Variants in ATXN10 observed in about 807,000 individuals in gnomAD.
ATXN10 encodes the protein ataxin-10.
Under a neutral mutation model 52.9 loss-of-function variants are expected in ATXN10, and 28 were observed. The ratio of observed to expected loss-of-function variants is 0.53; its 90% confidence interval spans 0.39 to 0.73. ATXN10 has a LOEUF of 0.73. ATXN10 is among the 30% of genes least tolerant of loss of function. ATXN10 has a pLI of 0.00. For synonymous variants in ATXN10, 226 were observed against 221.5 expected (o/e 1.02, Z -0.18); for missense variants, 565 against 577.0 (o/e 0.98, Z 0.21).
In ATXN10 at chr22:45,744,421, T is replaced by A. The variant is rs2146807548; in HGVS notation, c.1173+3883T>A. 1 of 152,266 alleles carries A rather than the reference T, an allele frequency of 6.6e-6. No homozygotes were observed. The highest frequency in any genetic ancestry group is 1.9e-4 in the East Asian group (1 of 5,202). 9.4% of individuals were successfully genotyped at this position (152,266 alleles called of 1,614,324 possible). ...TCCATTTTCCAGAGCTCTTTTCATC[T>A]GCTTTAGTTTGTTGGAGCCTTATGA... On this transcript the variant is annotated intron_variant, in intron 9 of 11. Coordinates refer to ENST00000252934, the MANE Select transcript of ATXN10 (RefSeq NM_013236.4). The surrounding 1 kb of genome is among the most constrained non-coding windows in gnomAD (Gnocchi z 4.9).
intron 1 of ATXN10, 175 bp downstream of exon 1, chr22:45,672,354 G>A (rs1381434035): frequency 7.7e-6 from 5 of 652,428 alleles, no homozygotes; most frequent in Non-Finnish European, 1.0e-5. Flanking sequence ...ACCGCCTCGT[G>A]CTCGTGGGTC....
rs1167791967 is a variant in ATXN10 at position 45,744,385 on chromosome 22, G to C, written c.1173+3847G>C. The C allele has an allele frequency of 6.6e-6, 1 of 152,254 alleles. No individual in the cohort carries two copies. Among genetic ancestry groups the C allele is most frequent in the Admixed American group, 6.5e-5 (1 of 15,286 alleles). The allele number at this position is 152,254 out of a possible 1,614,324, so 9.4% of individuals were successfully genotyped here. On this transcript the variant is annotated intron_variant, in intron 9 of 11. Coordinates refer to ENST00000252934, the MANE Select transcript of ATXN10 (RefSeq NM_013236.4). The surrounding 1 kb of genome is among the most constrained non-coding windows in gnomAD (Gnocchi z 4.9). ...CCTGCTGGATGGCCCTCTTACACTTGTGTGGCACTTTCCATTTTCCAGAGC... is the reference window on the plus strand; with the variant it reads ...CCTGCTGGATGGCCCTCTTACACTTCTGTGGCACTTTCCATTTTCCAGAGC...
chr22:45,824,937 G>A lies in ATXN10; in HGVS notation c.1237+17915G>A, dbSNP rs1479184059. 1.3e-5 allele frequency among the ~76,000 whole-genome samples: 2 copies of A among 152,176 alleles called. No homozygotes were observed. Among genetic ancestry groups the A allele is most frequent in the Non-Finnish European group, 2.9e-5 (2 of 68,028 alleles). On this transcript the variant is annotated intron_variant, in intron 10 of 11. Coordinates refer to ENST00000252934, the MANE Select transcript of ATXN10 (RefSeq NM_013236.4). The surrounding 1 kb of genome is among the most constrained non-coding windows in gnomAD (Gnocchi z 5.2). ...GAATCTGATGTAACTGTTTTGGTAC[G>A]CTGAAGTCCACTGAAGTCTTGCAAT...
chr22:45,775,895 T>G lies in ATXN10; in HGVS notation c.1174-31064T>G, dbSNP rs1055069905. 6.6e-6 allele frequency among the ~76,000 whole-genome samples: 1 copy of G among 152,138 alleles called. No individual in the cohort carries two copies. Among genetic ancestry groups the G allele is most frequent in the Admixed American group, 6.5e-5 (1 of 15,276 alleles). Reference sequence around the variant, plus strand: ...ACATTAACATCCGTTTGCTGGTGTTTGAAACCTGGAGCTCCCGGAGATTAA... The same window carrying G: ...ACATTAACATCCGTTTGCTGGTGTTGGAAACCTGGAGCTCCCGGAGATTAA... On this transcript the variant is annotated intron_variant, in intron 9 of 11. Transcript: ENST00000252934. This position sits in a 1 kb window ranked among gnomAD's most constrained non-coding sequence, Gnocchi z 4.7.
At position 45,829,225 on chromosome 22, in the gene ATXN10, A is replaced by C. The variant is rs180862301; in HGVS notation, c.1238-13766A>C. On this transcript the variant is annotated intron_variant, in intron 10 of 11. Coordinates refer to ENST00000252934, the MANE Select transcript of ATXN10 (RefSeq NM_013236.4). ...ACTAGGAATATAATGAAACTGCCTC[A>C]ACATAATAAAAGCCAGGAAAACCCA... Among the ~76,000 whole-genome samples, 178 of 152,344 alleles carry C rather than the reference A, an allele frequency of 1.2e-3. No individual in the cohort carries two copies. In the Middle Eastern group the frequency reaches 0.031, roughly 26 times the overall value.
At chr22:45,811,469 T>C (rs1263037507) in intron 10 of ATXN10, among the ~76,000 whole-genome samples, 1 of 152,208 alleles carries the variant, frequency 6.6e-6, no homozygotes, top group Non-Finnish European at 1.5e-5. Flanking sequence ...AAGGCTGTAA[T>C]ACTGTATTTT....
intron 9 of ATXN10, among the ~76,000 whole-genome samples, chr22:45,751,228 G>C (rs1925935637): frequency 6.6e-6 from 1 of 152,194 alleles, no homozygotes; most frequent in Non-Finnish European, 1.5e-5. Context: ...ACCATGCCCA[G>C]CCTCTTTGTT....
chr22:45,771,143 A>G (rs1926762748), intron 9 of ATXN10, among the ~76,000 whole-genome samples: 1 of 152,252 alleles, frequency 6.6e-6, no homozygotes, highest in East Asian at 1.9e-4. Flanking sequence ...ACCTCTACAC[A>G]CAAATGTTCA....
intron 10 of ATXN10, chr22:45,811,792 A>G (rs528205834): frequency 1.6e-3 from 750 of 470,908 alleles, no homozygotes; most frequent in Non-Finnish European, 2.4e-3. Context: ...TGCTGGGTCC[A>G]GGTGATTTTT....
At chr22:45,672,240 G>T in intron 1 of ATXN10, 61 bp downstream of exon 1, 2 of 1,409,786 alleles carry the variant, frequency 1.4e-6, no homozygotes, top group South Asian at 1.4e-5. Flanking sequence ...CTCCCGCGGC[G>T]GCCCCGGCCT....
intron 9 of ATXN10, among the ~76,000 whole-genome samples, chr22:45,776,644 G>T (rs1331597876): frequency 6.6e-6 from 1 of 152,078 alleles, no homozygotes; most frequent in Non-Finnish European, 1.5e-5. Context: ...TGTGTGATCT[G>T]GGGCAAGAGT....
intron 10 of ATXN10, among the ~76,000 whole-genome samples, chr22:45,809,737 A>G (rs1171881484): frequency 1.3e-5 from 2 of 152,126 alleles, no homozygotes; most frequent in East Asian, 1.9e-4. Context: ...ATACATTACA[A>G]TGTCCTTGGT....
At chr22:45,740,183 G>C (rs1226714269) in intron 8 of ATXN10, among the ~76,000 whole-genome samples, 186 bp from the exon 9 acceptor site, 1 of 152,130 alleles carries the variant, frequency 6.6e-6, no homozygotes, top group African/African-American at 2.4e-5. Context: ...AGCAAAGGCA[G>C]AAGAGCCTTC....
chr22:45,729,832 A>G (rs1925019813), intron 7 of ATXN10: 1 of 538,426 alleles, frequency 1.9e-6, no homozygotes, highest in East Asian at 4.0e-5. Context: ...CATCAGATAC[A>G]TGCACACAGA....
chr22:45,672,856 T>A (rs1258501346), intron 1 of ATXN10: 1 of 152,284 alleles, frequency 6.6e-6, no homozygotes, highest in African/African-American at 2.4e-5. Flanking sequence ...ACTGTGCAGT[T>A]TCTCCAGGCC....
At chr22:45,720,784 T>C (rs1924621149) in intron 6 of ATXN10, among the ~76,000 whole-genome samples, 1 of 152,212 alleles carries the variant, frequency 6.6e-6, no homozygotes, top group African/African-American at 2.4e-5. Flanking sequence ...TTAATCTGTT[T>C]TCTGCTGCCA....
At chr22:45,792,917 G>A (rs2032503) in intron 9 of ATXN10, 68,942 of 427,656 alleles carry the variant, frequency 0.16, 6,233 homozygotes, top group Middle Eastern at 0.21. Context: ...TACCTACATA[G>A]GGAGCCACAT....
At chr22:45,697,960 C>A (rs1305425789) in intron 3 of ATXN10, among the ~76,000 whole-genome samples, 1 of 152,184 alleles carries the variant, frequency 6.6e-6, no homozygotes, top group Non-Finnish European at 1.5e-5. Context: ...GTTCATCCAC[C>A]TTGTAGTGTG....
At position 45,819,791 on chromosome 22, in the gene ATXN10, A is replaced by G. The variant is rs1928589923; in HGVS notation, c.1237+12769A>G. ...TTGCATTAGATTAATTAAAAACAGC[A>G]GTGACTTTTGGATACGTTGAGAAAG... On this transcript the variant is annotated intron_variant, in intron 10 of 11. Coordinates refer to ENST00000252934, the MANE Select transcript of ATXN10 (RefSeq NM_013236.4). This position sits in a 1 kb window ranked among gnomAD's most constrained non-coding sequence, Gnocchi z 4.5. Among the ~76,000 whole-genome samples the G allele has an allele frequency of 6.6e-6, 1 of 152,258 alleles. No individual in the cohort carries two copies. Among genetic ancestry groups the G allele is most frequent in the South Asian group, 2.1e-4 (1 of 4,832 alleles).
Sources: allele counts gnomAD v4.1 joint callset (sites outside exome capture counted in the v4.1 genomes callset), GRCh38; gene constraint gnomAD v4.1.1; non-coding constraint Gnocchi (gnomAD v3.1); transcripts MANE v1.5; gene names NCBI Gene and HGNC (gene_info 2026-07-23, HGNC 2026-07-21).